RSBN1: variants seen among roughly 807,000 people sequenced by gnomAD.
RSBN1 encodes the protein lysine-specific demethylase 9.
Under a neutral mutation model 74.8 loss-of-function variants are expected in RSBN1, and 23 were observed. The observed-to-expected ratio is 0.31, with a 90% CI of 0.22 to 0.44. The LOEUF (loss-of-function observed/expected upper bound fraction) is 0.44, where lower values mean the gene tolerates loss of function less well. RSBN1 is among the 20% of genes least tolerant of loss of function. The probability of loss-of-function intolerance (pLI) is 1.00; values close to 1 mark genes in which losing one functional copy is unlikely to be tolerated. For missense variants in RSBN1, 808 were observed against 1,020.9 expected (o/e 0.79, Z 2.84); for synonymous variants, 407 against 379.6 (o/e 1.07, Z -0.84).
chr1:113,778,908 A>G (rs1287491560), intron 2 of RSBN1, among the ~76,000 whole-genome samples: 1 of 152,196 alleles, frequency 6.6e-6, no homozygotes. Flanking sequence ...TCTGAATGGA[A>G]TCTATCATTA....
chr1:113,786,462 G>A (rs910581492), intron 2 of RSBN1, among the ~76,000 whole-genome samples: 10 of 152,164 alleles, frequency 6.6e-5, no homozygotes, highest in African/African-American at 1.9e-4. Context: ...GGGCTTAAAT[G>A]TAATAACACG....
At chr1:113,786,016 G>A (rs563330371) in intron 2 of RSBN1, among the ~76,000 whole-genome samples, 1 of 152,208 alleles carries the variant, frequency 6.6e-6, no homozygotes, top group African/African-American at 2.4e-5. Flanking sequence ...AAAGTAAAGA[G>A]ATCAGCTAGG....
At chr1:113,774,442 A>G (rs1659947317) in intron 4 of RSBN1, among the ~76,000 whole-genome samples, 1 of 151,974 alleles carries the variant, frequency 6.6e-6, no homozygotes, top group African/African-American at 2.4e-5. Flanking sequence ...TGGGAGGCCG[A>G]GGCGGGTGGA....
chr1:113,800,986 T>A (rs757910324), intron 1 of RSBN1, among the ~76,000 whole-genome samples: 1 of 151,816 alleles, frequency 6.6e-6, no homozygotes, highest in Non-Finnish European at 1.5e-5. Context: ...TTTTTCAATT[T>A]TTTTTTTTTT....
chr1:113,779,392 C>A (rs1383525939), intron 2 of RSBN1, among the ~76,000 whole-genome samples: 3 of 152,100 alleles, frequency 2.0e-5, no homozygotes, highest in Non-Finnish European at 4.4e-5. Context: ...ATCTTGTTCT[C>A]AAATAGCAGG....
chr1:113,788,208 G>T (rs189952664), intron 2 of RSBN1, among the ~76,000 whole-genome samples: 219 of 151,940 alleles, frequency 1.4e-3, no homozygotes, highest in African/African-American at 5.2e-3. Context: ...AATATAATAG[G>T]AAAGATAAGA....
rs1394725017 is a variant in RSBN1 at position 113,763,565 on chromosome 1, A to C, written c.*2415T>G. ...TTTTATACTCATCAGTCTTTAAAGC[A>C]TGCTATTAAAATCTAATACTCACAT... is the stretch of plus-strand genomic sequence containing the variant. On this transcript the variant is annotated 3_prime_UTR_variant, in exon 7 of 7. Transcript: ENST00000261441. The C allele has an allele frequency of 6.5e-6, 1 of 152,822 alleles. No individual in the cohort carries two copies. Among genetic ancestry groups the C allele is most frequent in the African/African-American group, 2.4e-5 (1 of 41,472 alleles). 9.5% of individuals were successfully genotyped at this position (152,822 alleles called of 1,614,324 possible).
chr1:113,811,729 C>A lies in RSBN1; in HGVS notation c.684G>T (p.Leu228=). The change falls in exon 1 of 7, where the codon CTG becomes CTT. Residue 228 remains leucine (L), a synonymous_variant. Coordinates refer to ENST00000261441, the MANE Select transcript of RSBN1 (RefSeq NM_018364.5). ...ENGERTGGVP[L]IKAPKRETPD... is the part of the protein sequence containing the mutation. Reference sequence around the variant, plus strand: ...TCTCACCTCTCTTGGGGGCTTTGATCAGAGGCACCCCTCCAGTCCTCTCGC... The same window carrying A: ...TCTCACCTCTCTTGGGGGCTTTGATAAGAGGCACCCCTCCAGTCCTCTCGC... 1 of 1,602,874 alleles carries A rather than the reference C, an allele frequency of 6.2e-7. No homozygotes were observed.
intron 4 of RSBN1, among the ~76,000 whole-genome samples, chr1:113,771,151 C>T (rs1249981483): frequency 6.6e-6 from 1 of 152,012 alleles, no homozygotes; most frequent in Non-Finnish European, 1.5e-5. Flanking sequence ...AGGATACCTA[C>T]AAAAGAATAA....
At chr1:113,792,635 G>C (rs1287039118) in intron 2 of RSBN1, among the ~76,000 whole-genome samples, 1 of 152,178 alleles carries the variant, frequency 6.6e-6, no homozygotes, top group African/African-American at 2.4e-5. Flanking sequence ...TGAAAGCGAA[G>C]AACAAGTTGA....
intron 1 of RSBN1, among the ~76,000 whole-genome samples, chr1:113,810,313 C>T (rs1406921242): frequency 6.6e-6 from 1 of 151,936 alleles, no homozygotes; most frequent in Non-Finnish European, 1.5e-5. Context: ...TACTTTGGGC[C>T]TCAGTTTCCT....
At chr1:113,772,922 G>C (rs945903634) in intron 4 of RSBN1, among the ~76,000 whole-genome samples, 2 of 152,078 alleles carry the variant, frequency 1.3e-5, no homozygotes, top group Admixed American at 1.3e-4. Flanking sequence ...GAAGTACTAA[G>C]AGAAAATGTA....
Position 113,765,842 on chromosome 1 carries a change from A to G in RSBN1, c.*138T>C, listed in dbSNP as rs1249521543. ...AATCTGTGTAAAAAAGATATGCTTG[A>G]CATTTGTGGAATGTCATTTCTCTTT... On this transcript the variant is annotated 3_prime_UTR_variant, in exon 7 of 7. Coordinates refer to ENST00000261441, the MANE Select transcript of RSBN1 (RefSeq NM_018364.5). 1.5e-6 allele frequency: 1 copy of G among 662,046 alleles called. No individual in the cohort carries two copies. Among genetic ancestry groups the G allele is most frequent in the Admixed American group, 2.9e-5 (1 of 34,220 alleles). The allele number at this position is 662,046 out of a possible 1,614,324, so 41.0% of individuals were successfully genotyped here.
At position 113,761,951 on chromosome 1, in the gene RSBN1, T is replaced by C. The variant is rs1296277033; in HGVS notation, c.*4029A>G. 6.6e-6 allele frequency: 1 copy of C among 152,668 alleles called. No homozygotes were observed. Among genetic ancestry groups the C allele is most frequent in the Non-Finnish European group, 1.5e-5 (1 of 68,002 alleles). 9.5% of individuals were successfully genotyped at this position (152,668 alleles called of 1,614,324 possible). A position where few individuals can be genotyped will look rare whatever the true frequency, so the allele number is the denominator to read the frequency against. On this transcript the variant is annotated 3_prime_UTR_variant, in exon 7 of 7. Coordinates refer to ENST00000261441, the MANE Select transcript of RSBN1 (RefSeq NM_018364.5). Reference sequence around the variant, plus strand: ...TAACAATTTAACACACTTAGACAGCTACAAAAAAGCACTGTGTTAAAAGGA... The same window carrying C: ...TAACAATTTAACACACTTAGACAGCCACAAAAAAGCACTGTGTTAAAAGGA...
At chr1:113,767,264 C>T in intron 5 of RSBN1, 57 bp from the exon 6 acceptor site, 1 of 1,002,720 alleles carries the variant, frequency 1.0e-6, no homozygotes, top group Non-Finnish European at 1.5e-6. Context: ...AAAATGATGA[C>T]AAATTTCAGT....
chr1:113,766,685 T>G (rs112459909), intron 6 of RSBN1, among the ~76,000 whole-genome samples: 3 of 152,358 alleles, frequency 2.0e-5, no homozygotes, highest in African/African-American at 7.2e-5. Context: ...AAAATCAGAA[T>G]GGCTTAGAGA....
chr1:113,782,459 G>A (rs1414344603), intron 2 of RSBN1, among the ~76,000 whole-genome samples: 1 of 152,180 alleles, frequency 6.6e-6, no homozygotes, highest in Non-Finnish European at 1.5e-5. Flanking sequence ...TGACAGACAG[G>A]AGGAAGAGTT....
chr1:113,805,666 A>G (rs2101826965), intron 1 of RSBN1, among the ~76,000 whole-genome samples: 1 of 152,368 alleles, frequency 6.6e-6, no homozygotes, highest in African/African-American at 2.4e-5. Flanking sequence ...TTTAAAGATG[A>G]ACAAGTTTAC....
chr1:113,788,408 A>G (rs568920797), intron 2 of RSBN1, among the ~76,000 whole-genome samples: 6 of 152,196 alleles, frequency 3.9e-5, no homozygotes, highest in Non-Finnish European at 7.4e-5. Context: ...GGCCAGAGTG[A>G]TTGTTATTAT....
Sources: gnomAD v4.1 joint callset for allele counts (sites outside exome capture counted in the v4.1 genomes callset) on GRCh38, gnomAD v4.1.1 for gene constraint, MANE v1.5 for transcripts, NCBI Gene and HGNC (gene_info 2026-07-23, HGNC 2026-07-21) for gene names.